The following KCND2 variants were observed in gnomAD, a reference collection of about 807,000 sequenced individuals.
The protein encoded by KCND2 is A-type voltage-gated potassium channel KCND2.
KCND2 carries 16 observed loss-of-function variants against 54.4 expected under a neutral mutation model. The ratio of observed to expected loss-of-function variants is 0.29; its 90% confidence interval spans 0.20 to 0.45. The LOEUF is 0.45. Among genes scored for constraint, KCND2 ranks in the 20% least tolerant of loss-of-function variants. The probability of loss-of-function intolerance (pLI) is 1.00; values close to 1 mark genes in which losing one functional copy is unlikely to be tolerated. For synonymous variants in KCND2, 317 were observed against 310.7 expected, an observed-to-expected ratio of 1.02 and a Z score of -0.21; for missense variants, 486 against 824.2, an observed-to-expected ratio of 0.59 and a Z score of 5.02.
chr7:120,672,282 A>C (rs897843506), intron 1 of KCND2, among the ~76,000 whole-genome samples: 3 of 152,110 alleles, frequency 2.0e-5, no homozygotes, highest in Admixed American at 2.0e-4. Flanking sequence ...AAAATTTTTC[A>C]CTTCCTACGA....
rs181553791 is a variant in KCND2, at chr7:120,719,205, A to G, written c.1116-13698A>G. Among the ~76,000 whole-genome samples, 305 of 152,274 alleles carry G rather than the reference A, an allele frequency of 2.0e-3. 1 individual carries two copies. Among genetic ancestry groups the G allele is most frequent in the Non-Finnish European group, 3.2e-3 (216 of 67,992 alleles). On this transcript the variant is annotated intron_variant, in intron 1 of 5. Transcript: ENST00000331113. ...GAAGTTCACTAATTTAAGTGCTTTTATCTAACCAGACAATTTTATTTGTAT... is the reference window on the plus strand; with the variant it reads ...GAAGTTCACTAATTTAAGTGCTTTTGTCTAACCAGACAATTTTATTTGTAT...
intron 1 of KCND2, among the ~76,000 whole-genome samples, chr7:120,360,962 G>T (rs73431966): frequency 0.013 from 2,046 of 151,858 alleles, 46 homozygotes; most frequent in African/African-American, 0.044. Context: ...AAATACTTTT[G>T]CAGGCAATAT....
intron 1 of KCND2, among the ~76,000 whole-genome samples, chr7:120,423,275 C>T (rs1034146971): frequency 6.6e-6 from 1 of 152,152 alleles, no homozygotes; most frequent in African/African-American, 2.4e-5. Flanking sequence ...AGTCTCGTTG[C>T]CTTCTCCAAA....
intron 1 of KCND2, among the ~76,000 whole-genome samples, chr7:120,614,122 C>T (rs1316275386): frequency 6.6e-6 from 1 of 151,906 alleles, no homozygotes; most frequent in Admixed American, 6.6e-5. Context: ...AAGTGATTCT[C>T]CTGGCTCAGC....
At chr7:120,388,645 T>C (rs553838548) in intron 1 of KCND2, among the ~76,000 whole-genome samples, 10 of 151,932 alleles carry the variant, frequency 6.6e-5, no homozygotes, top group Non-Finnish European at 1.2e-4. Context: ...CACACCTCAA[T>C]GAGGGTTCTG....
chr7:120,653,442 A>AAACGG (rs1279857138), intron 1 of KCND2, among the ~76,000 whole-genome samples: 20 of 152,152 alleles, frequency 1.3e-4, no homozygotes, highest in Non-Finnish European at 2.9e-5. Flanking sequence ...GGACTTTGAT[A>AAACGG]AACGGCCACT....
chr7:120,315,021 A>G (rs1455865101), intron 1 of KCND2, among the ~76,000 whole-genome samples: 1 of 152,146 alleles, frequency 6.6e-6, no homozygotes, highest in Non-Finnish European at 1.5e-5. Context: ...TGGAAGATAT[A>G]AAAAGTACAA....
At chr7:120,428,440 G>T (rs1004395096) in intron 1 of KCND2, among the ~76,000 whole-genome samples, 1 of 152,194 alleles carries the variant, frequency 6.6e-6, no homozygotes, top group Non-Finnish European at 1.5e-5. Context: ...AGCGTTAGGA[G>T]AAACAAGTGA....
At chr7:120,601,661 CAT>C (rs1365170677) in intron 1 of KCND2, among the ~76,000 whole-genome samples, 1 of 152,150 alleles carries the variant, frequency 6.6e-6, no homozygotes, top group Admixed American at 6.6e-5. Context: ...TATTTTACAA[CAT>C]GTTAAACTAG....
At chr7:120,445,516 T>C (rs1006112839) in intron 1 of KCND2, among the ~76,000 whole-genome samples, 5 of 152,172 alleles carry the variant, frequency 3.3e-5, no homozygotes, top group Admixed American at 1.3e-4. Flanking sequence ...TGTTTCCTTA[T>C]TGAGTAATTG....
intron 1 of KCND2, among the ~76,000 whole-genome samples, chr7:120,678,738 GTATATATATATATATATATATATATA>G (rs66483423): frequency 3.5e-5 from 4 of 115,768 alleles, no homozygotes; most frequent in South Asian, 3.0e-4. Flanking sequence ...GTGTGTGAGT[GTATATATATATATATATATATATATA>G]TATATATATA....
At chr7:120,656,733 G>A (rs1206179781) in intron 1 of KCND2, among the ~76,000 whole-genome samples, 1 of 152,100 alleles carries the variant, frequency 6.6e-6, no homozygotes, top group African/African-American at 2.4e-5. Context: ...TTATCCTGTG[G>A]CTAAGCAGGA....
At chr7:120,645,523 T>A (rs1184193566) in intron 1 of KCND2, among the ~76,000 whole-genome samples, 1 of 152,178 alleles carries the variant, frequency 6.6e-6, no homozygotes, top group Non-Finnish European at 1.5e-5. Flanking sequence ...GCTGGCCACA[T>A]GACAAGTGGC....
At chr7:120,485,383 C>T (rs1802678721) in intron 1 of KCND2, among the ~76,000 whole-genome samples, 1 of 152,154 alleles carries the variant, frequency 6.6e-6, no homozygotes, top group African/African-American at 2.4e-5. Flanking sequence ...ATTGTCCCCT[C>T]ATATAATGCC....
chr7:120,346,949 A>G (rs1469689496), intron 1 of KCND2, among the ~76,000 whole-genome samples: 11 of 152,160 alleles, frequency 7.2e-5, no homozygotes, highest in Non-Finnish European at 1.6e-4. Flanking sequence ...GTTACTTCCC[A>G]CATAGTTCCT....
chr7:120,315,764 CAGTG>C (rs1799802697), intron 1 of KCND2, among the ~76,000 whole-genome samples: 1 of 103,580 alleles, frequency 9.7e-6, no homozygotes, highest in South Asian at 4.0e-4. Context: ...TTTCCATAAG[CAGTG>C]TGTGTGTGTG....
At chr7:120,702,446 T>C (rs983804391) in intron 1 of KCND2, among the ~76,000 whole-genome samples, 1 of 152,110 alleles carries the variant, frequency 6.6e-6, no homozygotes, top group Non-Finnish European at 1.5e-5. Context: ...CTGGGTATAT[T>C]CCCAAAGCAA....
chr7:120,716,240 G>A (rs1021576241), intron 1 of KCND2, among the ~76,000 whole-genome samples: 12 of 151,860 alleles, frequency 7.9e-5, no homozygotes, highest in Non-Finnish European at 1.3e-4. Flanking sequence ...CTATGTATAA[G>A]CAGTAAATCA....
chr7:120,566,430 C>T (rs1792298420), intron 1 of KCND2, among the ~76,000 whole-genome samples: 1 of 152,114 alleles, frequency 6.6e-6, no homozygotes, highest in Non-Finnish European at 1.5e-5. Flanking sequence ...GCAGCCTCCA[C>T]CTCCCAAGTT....
Sources: allele counts gnomAD v4.1 joint callset (sites outside exome capture counted in the v4.1 genomes callset), GRCh38; gene constraint gnomAD v4.1.1; transcripts MANE v1.5; gene names NCBI Gene and HGNC (gene_info 2026-07-23, HGNC 2026-07-21).